The following GLI2 variants were observed in gnomAD, a reference collection of about 807,000 sequenced individuals.
The protein encoded by GLI2 is GLI family zinc finger 2.
A neutral mutation model predicts 78.9 loss-of-function variants in GLI2; 22 were observed. The observed-to-expected ratio is 0.28, with a 90% confidence interval of 0.20 to 0.40. The LOEUF is 0.40. Among genes scored for constraint, GLI2 ranks in the 10% least tolerant of loss-of-function variants. The probability of loss-of-function intolerance (pLI) is 1.00; values close to 1 mark genes in which losing one functional copy is unlikely to be tolerated. For synonymous variants in GLI2, 974 were observed against 963.7 expected (o/e 1.01, Z -0.20); for missense variants, 2,097 against 2,213.2 (o/e 0.95, Z 1.05).
intron 2 of GLI2, among the ~76,000 whole-genome samples, chr2:120,832,835 A>G (rs1224823045): frequency 6.6e-6 from 1 of 152,070 alleles, no homozygotes; most frequent in Non-Finnish European, 1.5e-5. Flanking sequence ...AGACCGGGGA[A>G]GGTCTGGTCC....
At position 120,951,291 on chromosome 2, in the gene GLI2, C is replaced by T. The variant is rs1477173476; in HGVS notation, c.303C>T (p.Ile101=). 1 of 1,612,346 alleles carries T rather than the reference C, an allele frequency of 6.2e-7. No individual in the cohort carries two copies. Among genetic ancestry groups the T allele is most frequent in the Admixed American group, 1.7e-5 (1 of 60,034 alleles). The part of the protein sequence containing the change: ...GSPVISDISL[I]RLSPHPAGPG... ...CTGTCATCTCTGACATCTCCTTGAT[C>T]CGGCTTTCCCCGCACCCGGCTGGCC... Residue 101 remains isoleucine, a synonymous_variant, in exon 4 of 14, where the codon ATC becomes ATT. Coordinates refer to ENST00000361492, the MANE Select transcript of GLI2 (RefSeq NM_001374353.1).
rs886923543 is a variant in GLI2, at chr2:120,871,351, G to T, written c.149-56010G>T. On this transcript the variant is annotated intron_variant, in intron 2 of 13. Transcript: ENST00000361492. ...TGGACGCTCCATGAGTGTTTACTCA[G>T]TGAGGATGCACGGGAGCTGGCTGAT... Among the ~76,000 whole-genome samples the T allele has an allele frequency of 2.0e-5, 3 of 152,230 alleles. No homozygotes were observed. The East Asian group carries it at 5.8e-4, about 29-fold the overall frequency.
chr2:120,736,335 C>G (rs780164516), intron 1 of GLI2, 50 bp downstream of exon 1: 5 of 152,020 alleles, frequency 3.3e-5, no homozygotes, highest in Non-Finnish European at 7.4e-5. Flanking sequence ...CGAAGCGCCT[C>G]CCACCTCGGC....
At chr2:120,765,046 C>T (rs368223255) in intron 1 of GLI2, among the ~76,000 whole-genome samples, 10 of 152,194 alleles carry the variant, frequency 6.6e-5, no homozygotes, top group East Asian at 5.8e-4. Context: ...TGGTGAGCGC[C>T]ACCTTAGTTC....
At chr2:120,794,628 C>T (rs1175562346) in intron 1 of GLI2, among the ~76,000 whole-genome samples, 7 of 151,916 alleles carry the variant, frequency 4.6e-5, no homozygotes, top group Non-Finnish European at 8.8e-5. Flanking sequence ...TCACAGTCTT[C>T]GTGTGTGTGG....
At chr2:120,860,971 T>C (rs1024291903) in intron 2 of GLI2, among the ~76,000 whole-genome samples, 4 of 152,118 alleles carry the variant, frequency 2.6e-5, no homozygotes, top group Non-Finnish European at 5.9e-5. Context: ...GAGTGTGCAA[T>C]GGTGATGCAA....
chr2:120,907,697 G>C (rs1402193710), intron 2 of GLI2, among the ~76,000 whole-genome samples: 1 of 152,128 alleles, frequency 6.6e-6, no homozygotes, highest in Non-Finnish European at 1.5e-5. Context: ...GTGTGGTCTT[G>C]GATGGGTCAT....
intron 2 of GLI2, among the ~76,000 whole-genome samples, chr2:120,859,020 C>T (rs62150743): frequency 0.044 from 5,949 of 135,678 alleles, 193 homozygotes; most frequent in Non-Finnish European, 0.055. Context: ...CACGGTAAAG[C>T]GGGTGCCCCC....
At chr2:120,747,109 T>G (rs1682717921) in intron 1 of GLI2, among the ~76,000 whole-genome samples, 1 of 152,218 alleles carries the variant, frequency 6.6e-6, no homozygotes, top group South Asian at 2.1e-4. Flanking sequence ...TTAAATAGAT[T>G]CCCAAAAGTG....
At chr2:120,768,742 G>A (rs1683439410) in intron 1 of GLI2, among the ~76,000 whole-genome samples, 1 of 152,096 alleles carries the variant, frequency 6.6e-6, no homozygotes, top group East Asian at 1.9e-4. Context: ...TTGTGGTCCT[G>A]CTCCCAGGAT....
chr2:120,988,484 C>G lies in GLI2; in HGVS notation c.2519C>G (p.Pro840Arg), dbSNP rs1301613918. ...HNASSADSYD[P>R]ISTDASRRSS... ...GCGAGCTCCGCTGACTCCTACGACCCCATCTCCACGGACGCGTCGCGGCGC... is the reference window on the plus strand; with the variant it reads ...GCGAGCTCCGCTGACTCCTACGACCGCATCTCCACGGACGCGTCGCGGCGC... The change falls in exon 14 of 14, where the codon CCC becomes CGC. Residue 840 changes from proline to arginine, a missense_variant. Transcript: ENST00000361492. 6.4e-7 allele frequency: 1 copy of G among 1,556,282 alleles called. No homozygotes were observed. Among genetic ancestry groups the G allele is most frequent in the Non-Finnish European group, 8.6e-7 (1 of 1,161,164 alleles).
chr2:120,809,122 C>G (rs893976434), intron 2 of GLI2, among the ~76,000 whole-genome samples: 13 of 152,224 alleles, frequency 8.5e-5, no homozygotes, highest in African/African-American at 2.9e-4. Flanking sequence ...CCCAAGCATC[C>G]ATCCGCTAAT....
chr2:120,768,671 C>T (rs1683437323), intron 1 of GLI2, among the ~76,000 whole-genome samples: 2 of 152,192 alleles, frequency 1.3e-5, no homozygotes, highest in Admixed American at 6.5e-5. Flanking sequence ...ATAGTAGTGG[C>T]TTGGACAGCC....
At chr2:120,946,012 T>C (rs1680694912) in intron 3 of GLI2, among the ~76,000 whole-genome samples, 1 of 140,346 alleles carries the variant, frequency 7.1e-6, no homozygotes. Context: ...CCAGCCTTTC[T>C]TTGCACACAC....
At chr2:120,900,718 A>G (rs1434800307) in intron 2 of GLI2, among the ~76,000 whole-genome samples, 2 of 152,204 alleles carry the variant, frequency 1.3e-5, no homozygotes, top group African/African-American at 4.8e-5. Flanking sequence ...TAGACAAGGG[A>G]TGTGCGTGGA....
chr2:120,990,052 A>C lies in GLI2; in HGVS notation c.4087A>C (p.Thr1363Pro). ...QPRPPLEPSP[T>P]GRHRGVRAVQ... Reference sequence around the variant, plus strand: ...CCGGCCTCCCCTCGAGCCCAGCCCCACTGGCCGCCACCGTGGGGTACGTGC... The same window carrying C: ...CCGGCCTCCCCTCGAGCCCAGCCCCCCTGGCCGCCACCGTGGGGTACGTGC... Residue 1363 changes from threonine (T) to proline (P), a missense_variant, in exon 14 of 14, where the codon ACT becomes CCT. Around this residue, in one of 5 missense-constraint regions of GLI2, gnomAD observed 1,290 missense variants for 1,261.7 expected, o/e 1.02. Coordinates refer to ENST00000361492, the MANE Select transcript of GLI2 (RefSeq NM_001374353.1). 6.2e-7 allele frequency: 1 copy of C among 1,601,696 alleles called. No homozygotes were observed.
chr2:120,844,004 C>T (rs1036038694), intron 2 of GLI2, among the ~76,000 whole-genome samples: 3 of 152,070 alleles, frequency 2.0e-5, no homozygotes, highest in Non-Finnish European at 2.9e-5. Context: ...GTGTGGTCCC[C>T]GGCAGGACCC....
chr2:120,752,269 AT>A (rs192674460), intron 1 of GLI2, among the ~76,000 whole-genome samples: 5,670 of 129,908 alleles, frequency 0.044, 196 homozygotes, highest in African/African-American at 0.14. Flanking sequence ...CCTATCTTTA[AT>A]TTTTTTTTTT....
chr2:120,930,396 T>A (rs1209759803), intron 3 of GLI2, among the ~76,000 whole-genome samples: 1 of 152,264 alleles, frequency 6.6e-6, no homozygotes, highest in African/African-American at 2.4e-5. Flanking sequence ...GGTAGATGAC[T>A]AACCCTATGG....
Sources: gnomAD v4.1 joint callset for allele counts (sites outside exome capture counted in the v4.1 genomes callset) on GRCh38, gnomAD v4.1.1 for gene constraint, gnomAD v4.1.1 regional missense constraint, MANE v1.5 for transcripts, NCBI Gene and HGNC (gene_info 2026-07-23, HGNC 2026-07-21) for gene names.